Variants in RASA4B observed in about 807,000 individuals in gnomAD.
The protein encoded by RASA4B is RAS p21 protein activator 4B, also known as ras GTPase-activating protein 4B.
In RASA4B, 2 loss-of-function variants were observed where a neutral mutation model predicts 24.2. The ratio of observed to expected loss-of-function variants is 0.08; its 90% CI spans 0.03 to 0.26. The LOEUF (loss-of-function observed/expected upper bound fraction) is 0.26, where lower values mean the gene tolerates loss of function less well. RASA4B is among the 10% of genes least tolerant of loss of function. RASA4B has a pLI of 1.00. For synonymous variants in RASA4B, 2 were observed against 125.6 expected, an observed-to-expected ratio of 0.02 and a Z score of 6.58; for missense variants, 8 against 277.2, an observed-to-expected ratio of 0.03 and a Z score of 6.90.
chr7:102,498,608 G>C (rs1799256004), intron 8 of RASA4B, among the ~76,000 whole-genome samples: 1 of 139,298 alleles, frequency 7.2e-6, no homozygotes, highest in Non-Finnish European at 1.6e-5. Flanking sequence ...GGAGTGCAGT[G>C]GTGGGATCTC....
Position 102,482,089 on chromosome 7 carries a change from C to G in RASA4B, c.*1503G>C, listed in dbSNP as rs1798618364. Among the ~76,000 whole-genome samples, 1 of 150,842 alleles carries G rather than the reference C, an allele frequency of 6.6e-6. No homozygotes were observed. The highest frequency in any genetic ancestry group is 1.5e-5 in the Non-Finnish European group (1 of 67,286). ...CCAGGTCTGGGGGCCTCAGGGACTT[C>G]TGTGTCCTCATAACCCACAAAAGCC... On this transcript the variant is annotated 3_prime_UTR_variant, in exon 21 of 21. Transcript: ENST00000465829.
At chr7:102,512,714 AG>A (rs1299989255) in intron 1 of RASA4B, among the ~76,000 whole-genome samples, 1 of 113,766 alleles carries the variant, frequency 8.8e-6, no homozygotes, top group African/African-American at 3.6e-5. Flanking sequence ...GGGGTGAGAG[AG>A]GGGGGAGAGA....
Position 102,480,134 on chromosome 7 carries a change from C to T in RASA4B, c.*3458G>A, listed in dbSNP as rs373227477. Among the ~76,000 whole-genome samples, 8 of 152,182 alleles carry T rather than the reference C, an allele frequency of 5.3e-5. No homozygotes were observed. The East Asian group carries it at 7.7e-4, about 15-fold the overall frequency. On this transcript the variant is annotated 3_prime_UTR_variant, in exon 21 of 21. Coordinates refer to ENST00000465829, the MANE Select transcript of RASA4B (RefSeq NM_001367767.2). ...TTTCTGTTATGCCCGGACAGGGCCA[C>T]CAGAGGGCTCCTTGGTCTAGCGGTA...
rs1322968911 is a variant in RASA4B at position 102,479,986 on chromosome 7, T to G, written c.*3606A>C. Among the ~76,000 whole-genome samples the G allele has an allele frequency of 6.6e-6, 1 of 152,124 alleles. No homozygotes were observed. Among genetic ancestry groups the G allele is most frequent in the Admixed American group, 6.6e-5 (1 of 15,224 alleles). ...ATCATTAATCATTAGTTTGTAGTAA[T>G]TATTCTTTATTCCAATATTATAATA... On this transcript the variant is annotated 3_prime_UTR_variant, in exon 21 of 21. Transcript: ENST00000465829.
chr7:102,491,644 G>A (rs1354599016), intron 16 of RASA4B, among the ~76,000 whole-genome samples: 2 of 66,908 alleles, frequency 3.0e-5, no homozygotes, highest in Non-Finnish European at 9.2e-5. Flanking sequence ...GCGCATGCCT[G>A]TAATCCCAGC....
chr7:102,480,012 A>C lies in RASA4B; in HGVS notation c.*3580T>G, dbSNP rs555224363. 2.0e-5 allele frequency among the ~76,000 whole-genome samples: 3 copies of C among 152,332 alleles called. No homozygotes were observed. The highest frequency in any genetic ancestry group is 6.6e-5 in the Admixed American group (1 of 15,266). ...TATTCTTTATTCCAATATTATAATAATCCTCGCTCTACAATCATAACCTAG... is the reference window on the plus strand; with the variant it reads ...TATTCTTTATTCCAATATTATAATACTCCTCGCTCTACAATCATAACCTAG... On this transcript the variant is annotated 3_prime_UTR_variant, in exon 21 of 21. Transcript: ENST00000465829.
chr7:102,489,779 GC>G (rs1798856377), intron 17 of RASA4B, among the ~76,000 whole-genome samples: 1 of 109,458 alleles, frequency 9.1e-6, no homozygotes, highest in Admixed American at 1.0e-4. Flanking sequence ...ATCACAATTT[GC>G]TTTTTTTTTT....
chr7:102,480,085 T>C lies in RASA4B; in HGVS notation c.*3507A>G, dbSNP rs898996314. Among the ~76,000 whole-genome samples the C allele has an allele frequency of 2.6e-5, 4 of 151,094 alleles. No individual in the cohort carries two copies. The highest frequency in any genetic ancestry group is 7.3e-5 in the African/African-American group (3 of 41,126). ...TAGGAGCTGAGGGGACAATGAGGAG[T>C]GACCAGAAGACAAGAGTGCGAGCTT... On this transcript the variant is annotated 3_prime_UTR_variant, in exon 21 of 21. Coordinates refer to ENST00000465829, the MANE Select transcript of RASA4B (RefSeq NM_001367767.2).
chr7:102,506,473 C>T (rs1185152512), intron 5 of RASA4B, among the ~76,000 whole-genome samples: 1 of 151,334 alleles, frequency 6.6e-6, no homozygotes, highest in Non-Finnish European at 1.5e-5. Context: ...TCTTGAACTC[C>T]TGGCCTCAGG....
At chr7:102,495,748 C>T (rs573831145) in intron 11 of RASA4B, among the ~76,000 whole-genome samples, 7 of 89,836 alleles carry the variant, frequency 7.8e-5, no homozygotes, top group African/African-American at 2.7e-4. Context: ...GAGTCTAGCA[C>T]GGGGCCCAGG....
intron 17 of RASA4B, among the ~76,000 whole-genome samples, chr7:102,489,533 A>AC (rs1416873300): frequency 1.4e-5 from 2 of 143,282 alleles, no homozygotes; most frequent in East Asian, 2.4e-4. Context: ...TTGCTCTGTC[A>AC]CCAGGCTGGA....
intron 19 of RASA4B, among the ~76,000 whole-genome samples, chr7:102,484,807 G>A (rs1203419120): frequency 2.7e-5 from 4 of 147,762 alleles, no homozygotes; most frequent in African/African-American, 9.8e-5. Context: ...GGGCCCAGGG[G>A]AACAGCTGGG....
intron 16 of RASA4B, among the ~76,000 whole-genome samples, chr7:102,491,597 G>C (rs1297806028): frequency 1.5e-5 from 1 of 66,156 alleles, no homozygotes; most frequent in African/African-American, 2.9e-5. Context: ...GAGGAACTCC[G>C]TGTCTACTAA....
chr7:102,497,320 A>G (rs1442135793), intron 8 of RASA4B, among the ~76,000 whole-genome samples: 177 of 150,928 alleles, frequency 1.2e-3, no homozygotes, highest in Middle Eastern at 6.9e-3. Context: ...CCCAACCCTC[A>G]TAACAACCTA....
In RASA4B at chr7:102,502,643, C is replaced by T. The variant is rs1490818741; in HGVS notation, c.510+520G>A. ...GGTGTGGTGGTGTGTGCCTGTAATC[C>T]TAGCTACTCGTGTGGCTGAGGCAGG... On this transcript the variant is annotated intron_variant, in intron 6 of 20. Transcript: ENST00000465829. Among the ~76,000 whole-genome samples, 2 of 111,548 alleles carry T rather than the reference C, an allele frequency of 1.8e-5. 1 individual carries two copies. Among genetic ancestry groups the T allele is most frequent in the Non-Finnish European group, 4.5e-5 (2 of 44,214 alleles). 73.2% of individuals were successfully genotyped at this position (111,548 alleles called of 152,430 possible).
intron 5 of RASA4B, among the ~76,000 whole-genome samples, chr7:102,505,884 AG>A (rs1342090252): frequency 8.4e-6 from 1 of 119,134 alleles, no homozygotes; most frequent in Admixed American, 7.8e-5. Flanking sequence ...CAGGTGACTC[AG>A]GCCCATGGAA....
intron 17 of RASA4B, among the ~76,000 whole-genome samples, chr7:102,489,651 C>G (rs1322580451): frequency 6.7e-6 from 1 of 149,736 alleles, no homozygotes; most frequent in Admixed American, 6.8e-5. Context: ...CACCACCACA[C>G]CCGGCTACTT....
At chr7:102,512,760 GA>G (rs1799735816) in intron 1 of RASA4B, among the ~76,000 whole-genome samples, 1 of 146,552 alleles carries the variant, frequency 6.8e-6, no homozygotes, top group Non-Finnish European at 1.5e-5. Flanking sequence ...TAAGAGGGAG[GA>G]GAGTAAGAGG....
At chr7:102,503,774 C>G (rs1363909292) in intron 5 of RASA4B, among the ~76,000 whole-genome samples, 3 of 34,598 alleles carry the variant, frequency 8.7e-5, no homozygotes, top group Non-Finnish European at 2.6e-4. Context: ...GGTCTTTACA[C>G]AGCCCTAGTC....
Sources: gnomAD v4.1 joint callset for allele counts (sites outside exome capture counted in the v4.1 genomes callset) on GRCh38, gnomAD v4.1.1 for gene constraint, MANE v1.5 for transcripts, NCBI Gene and HGNC (gene_info 2026-07-23, HGNC 2026-07-21) for gene names.